Variants in RARG observed in about 807,000 individuals in gnomAD.
The protein encoded by RARG is retinoic acid receptor gamma.
Under a neutral mutation model 43.7 loss-of-function variants are expected in RARG, and 17 were observed. The observed-to-expected ratio is 0.39, with a 90% CI of 0.27 to 0.58. The LOEUF (loss-of-function observed/expected upper bound fraction) is 0.58, where lower values mean the gene tolerates loss of function less well. RARG is among the 20% of genes least tolerant of loss of function. The pLI, the probability that RARG is intolerant of heterozygous loss-of-function variation, is 0.57. For missense variants in RARG, 346 were observed against 598.7 expected, an observed-to-expected ratio of 0.58 and a Z score of 4.40; for synonymous variants, 238 against 236.4, an observed-to-expected ratio of 1.01 and a Z score of -0.06.
rs1398563417 is a variant in RARG at position 53,213,081 on chromosome 12, T to G, written c.1177+4A>C. On this transcript the variant is annotated splice_donor_region_variant and intron_variant, in intron 9 of 9. Coordinates refer to ENST00000425354, the MANE Select transcript of RARG (RefSeq NM_000966.6). The surrounding 1 kb of genome is among the most constrained non-coding windows in gnomAD (Gnocchi z 4.7). ...CAGAGAGGGGACACCCACTCATGAC[T>G]CACCCTTAGTGCTGATGCCCCGGAG... 6.2e-7 allele frequency: 1 copy of G among 1,609,140 alleles called. No individual in the cohort carries two copies. Among genetic ancestry groups the G allele is most frequent in the South Asian group, 1.1e-5 (1 of 90,366 alleles).
chr12:53,221,880 G>C (rs958034550), intron 3 of RARG, among the ~76,000 whole-genome samples: 62 of 151,946 alleles, frequency 4.1e-4, no homozygotes, highest in Non-Finnish European at 7.7e-4. Context: ...GGCTGGGCCA[G>C]GGCGGGGCGC....
Position 53,213,144 on chromosome 12 carries a change from G to A in RARG, c.1118C>T (p.Pro373Leu), listed in dbSNP as rs749293562. 6 of 1,614,182 alleles carry A rather than the reference G, an allele frequency of 3.7e-6. No homozygotes were observed. The Admixed American group carries it at 6.7e-5, about 18-fold the overall frequency. The change falls in exon 9 of 10, where the codon CCC (proline) becomes CTC (leucine). Residue 373 changes from proline to leucine, a missense_variant. Around this residue, in one of 8 missense-constraint regions of RARG, gnomAD observed 25 missense variants for 23.0 expected, o/e 1.09. Coordinates refer to ENST00000425354, the MANE Select transcript of RARG (RefSeq NM_000966.6). This position sits in a 1 kb window ranked among gnomAD's most constrained non-coding sequence, Gnocchi z 4.7. Reference protein sequence around the residue: ...LYARRRRPSQPYMFPRMLMKI... With the variant: ...LYARRRRPSQLYMFPRMLMKI... ...CATTAGCATCCTTGGGAACATGTAGGGCTGGCTGGGCCGCCGGCGCCGGGC... is the reference window on the plus strand; with the variant it reads ...CATTAGCATCCTTGGGAACATGTAGAGCTGGCTGGGCCGCCGGCGCCGGGC...
chr12:53,217,617 AG>A (rs1942814564), intron 3 of RARG, among the ~76,000 whole-genome samples: 1 of 152,174 alleles, frequency 6.6e-6, no homozygotes, highest in South Asian at 2.1e-4. Flanking sequence ...AGTGGCTCCG[AG>A]GTCAATCTGT....
chr12:53,213,042 C>T lies in RARG; in HGVS notation c.1177+43G>A. 1 of 1,565,122 alleles carries T rather than the reference C, an allele frequency of 6.4e-7. No individual in the cohort carries two copies. The highest frequency in any genetic ancestry group is 1.7e-4 in the Middle Eastern group (1 of 5,840). On this transcript the variant is annotated intron_variant, in intron 9 of 9. Coordinates refer to ENST00000425354, the MANE Select transcript of RARG (RefSeq NM_000966.6). The surrounding 1 kb of genome is among the most constrained non-coding windows in gnomAD (Gnocchi z 4.7). ...CCTCCTGTCCGACCTGGGAGACCAA[C>T]AGCCCTGGGAAGACAGAGAGGGGAC...
chr12:53,212,428 T>G lies in RARG; in HGVS notation c.1178-565A>C, dbSNP rs1003623575. 5.3e-5 allele frequency among the ~76,000 whole-genome samples: 8 copies of G among 151,974 alleles called. No homozygotes were observed. The South Asian group carries it at 6.2e-4, about 12-fold the overall frequency. ...TATGTTACAGGTTTTTTTTGTTGTG[T>G]TGTTGTTGTTGTTGTTGTTTTAGAG... On this transcript the variant is annotated intron_variant, in intron 9 of 9. Transcript: ENST00000425354.
intron 2 of RARG, among the ~76,000 whole-genome samples, chr12:53,228,429 A>G (rs987543072): frequency 1.3e-5 from 2 of 152,216 alleles, no homozygotes; most frequent in African/African-American, 4.8e-5. Flanking sequence ...AATGTGATGT[A>G]AATGTCTCAT....
chr12:53,227,310 G>A lies in RARG; in HGVS notation c.184+52C>T. 1.4e-6 allele frequency: 2 copies of A among 1,475,586 alleles called. No homozygotes were observed. Among genetic ancestry groups the A allele is most frequent in the South Asian group, 2.8e-5 (2 of 71,828 alleles). The allele number at this position is 1,475,586 out of a possible 1,614,324, so 91.4% of individuals were successfully genotyped here. On this transcript the variant is annotated intron_variant, in intron 3 of 9. Coordinates refer to ENST00000425354, the MANE Select transcript of RARG (RefSeq NM_000966.6). This position sits in a 1 kb window ranked among gnomAD's most constrained non-coding sequence, Gnocchi z 4.3. ...CAACTCTTTTACCATCCACCCTCCT[G>A]ATGCCTTCTTGTTAACATTTGCCTT... is the stretch of plus-strand genomic sequence containing the variant.
At position 53,227,435 on chromosome 12, in the gene RARG, C is replaced by T. The variant is rs779645994; in HGVS notation, c.111G>A (p.Pro37=). 9.9e-6 allele frequency: 16 copies of T among 1,609,884 alleles called. No homozygotes were observed. The highest frequency in any genetic ancestry group is 8.0e-5 in the African/African-American group (6 of 74,782). Residue 37 remains proline, a synonymous_variant, in exon 3 of 10, where the codon CCG becomes CCA. Coordinates refer to ENST00000425354, the MANE Select transcript of RARG (RefSeq NM_000966.6). This position sits in a 1 kb window ranked among gnomAD's most constrained non-coding sequence, Gnocchi z 4.3. ...FAFPGALRGS[P]PFEMLSPSFR... ...AGCTAGGGCTCAGCATCTCGAAAGGCGGAGACCCCCTGAGTGCCCCTGGGA... is the reference window on the plus strand; with the variant it reads ...AGCTAGGGCTCAGCATCTCGAAAGGTGGAGACCCCCTGAGTGCCCCTGGGA...
rs925135747 is a variant in RARG, at chr12:53,216,589, G to A, written c.185-795C>T. 5.9e-5 allele frequency among the ~76,000 whole-genome samples: 9 copies of A among 152,172 alleles called. 1 individual carries two copies. Among genetic ancestry groups the A allele is most frequent in the Admixed American group, 5.9e-4 (9 of 15,286 alleles). ...GTGAGTCAGAGAAGCTGGGGAAGCA[G>A]AGGCTGAGGTGTTTGCTCAGTTTCT... On this transcript the variant is annotated intron_variant, in intron 3 of 9. Transcript: ENST00000425354.
Position 53,212,735 on chromosome 12 carries a change from T to TACACACACACACAC in RARG, c.1177+349_1177+350insGTGTGTGTGTGTGT, listed in dbSNP as rs200052709. On this transcript the variant is annotated intron_variant, in intron 9 of 9. Coordinates refer to ENST00000425354, the MANE Select transcript of RARG (RefSeq NM_000966.6). ...CCAAGACTTTGTCTCTAAATATATA[T>TACACACACACACAC]ATACACACACACACACACACACACA... 3.7e-5 allele frequency among the ~76,000 whole-genome samples: 5 copies of TACACACACACACAC among 136,942 alleles called. No homozygotes were observed. In the East Asian group the frequency reaches 1.1e-3, roughly 30 times the overall value. 89.8% of individuals were successfully genotyped at this position (136,942 alleles called of 152,430 possible).
Position 53,213,488 on chromosome 12 carries a change from C to A in RARG, c.1018+8G>T. On this transcript the variant is annotated splice_region_variant and intron_variant, in intron 8 of 9. Transcript: ENST00000425354. The surrounding 1 kb of genome is among the most constrained non-coding windows in gnomAD (Gnocchi z 4.7). ...GCACTGAGCAGACGCCAGGGGGCGCCCCCGCACCTCCGCAGATGAGGCAGA... is the reference window on the plus strand; with the variant it reads ...GCACTGAGCAGACGCCAGGGGGCGCACCCGCACCTCCGCAGATGAGGCAGA... The A allele has an allele frequency of 1.2e-6, 2 of 1,612,850 alleles. No individual in the cohort carries two copies. The highest frequency in any genetic ancestry group is 1.6e-4 in the Middle Eastern group (1 of 6,062).
Position 53,215,927 on chromosome 12 carries a change from A to C in RARG, c.185-133T>G. ...ACAGCCATCACTACCACAGTGCACT[A>C]GTTCCAGCAGTAAGCACTGTCAGAA... On this transcript the variant is annotated intron_variant, in intron 3 of 9. Transcript: ENST00000425354. This position sits in a 1 kb window ranked among gnomAD's most constrained non-coding sequence, Gnocchi z 6.4. The C allele has an allele frequency of 1.0e-6, 1 of 964,308 alleles. No individual in the cohort carries two copies. The highest frequency in any genetic ancestry group is 1.5e-6 in the Non-Finnish European group (1 of 672,984). The allele number at this position is 964,308 out of a possible 1,614,324, so 59.7% of individuals were successfully genotyped here.
chr12:53,223,367 CAGA>C (rs1943025843), intron 3 of RARG, among the ~76,000 whole-genome samples: 1 of 150,648 alleles, frequency 6.6e-6, no homozygotes, highest in African/African-American at 2.5e-5. Flanking sequence ...GAGGGGGCAG[CAGA>C]AGAGCAGAAG....
At chr12:53,226,715 A>G (rs1253119410) in intron 3 of RARG, among the ~76,000 whole-genome samples, 3 of 145,588 alleles carry the variant, frequency 2.1e-5, no homozygotes, top group East Asian at 2.1e-4. Context: ...GTGTTCAAGC[A>G]ATTCTCGTGC....
chr12:53,217,170 A>C (rs1377104514), intron 3 of RARG, among the ~76,000 whole-genome samples: 1 of 152,070 alleles, frequency 6.6e-6, no homozygotes, highest in Non-Finnish European at 1.5e-5. Context: ...ATCAATTAGC[A>C]TAAGAATCCT....
chr12:53,211,565 G>A lies in RARG; in HGVS notation c.*111C>T. ...GGCAAAAACAAGGAGCTCATTGGAA[G>A]GGGTGGGGAGAGGGCAGAGCAGGTC... is the stretch of plus-strand genomic sequence containing the variant. On this transcript the variant is annotated 3_prime_UTR_variant, in exon 10 of 10. Coordinates refer to ENST00000425354, the MANE Select transcript of RARG (RefSeq NM_000966.6). This position sits in a 1 kb window ranked among gnomAD's most constrained non-coding sequence, Gnocchi z 4.6. 1 of 1,042,824 alleles carries A rather than the reference G, an allele frequency of 9.6e-7. No individual in the cohort carries two copies. The highest frequency in any genetic ancestry group is 3.2e-5 in the East Asian group (1 of 31,100). The allele number at this position is 1,042,824 out of a possible 1,614,324, so 64.6% of individuals were successfully genotyped here.
chr12:53,216,603 T>A (rs538785144), intron 3 of RARG, among the ~76,000 whole-genome samples: 1 of 152,274 alleles, frequency 6.6e-6, no homozygotes, highest in South Asian at 2.1e-4. Flanking sequence ...CTGAGGTGTT[T>A]GCTCAGTTTC....
chr12:53,214,709 C>T, intron 5 of RARG, 103 bp from the exon 6 acceptor site: 9 of 1,212,488 alleles, frequency 7.4e-6, no homozygotes, highest in Non-Finnish European at 1.0e-5. Flanking sequence ...TCATGAATAT[C>T]TATTCTCTGG....
intron 2 of RARG, chr12:53,229,929 G>A: frequency 1.0e-6 from 1 of 968,104 alleles, no homozygotes; most frequent in Non-Finnish European, 1.2e-6. Context: ...GATGCTGCAT[G>A]TGAGCCAATG....
Sources: gnomAD v4.1 joint callset for allele counts (sites outside exome capture counted in the v4.1 genomes callset) on GRCh38, gnomAD v4.1.1 for gene constraint, gnomAD v4.1.1 regional missense constraint, Gnocchi (gnomAD v3.1) non-coding constraint, MANE v1.5 for transcripts, NCBI Gene and HGNC (gene_info 2026-07-23, HGNC 2026-07-21) for gene names.